The following GBE1 variants were observed in gnomAD, a reference collection of about 807,000 sequenced individuals.
GBE1 encodes the protein 1,4-alpha-glucan-branching enzyme.
GBE1 carries 70 observed loss-of-function variants against 88.8 expected under a neutral mutation model. That is an observed-to-expected ratio of 0.79 (90% CI 0.65 to 0.96). The LOEUF is 0.96. Ranked by LOEUF, GBE1 falls within the 40% of genes least tolerant of loss-of-function variation. The probability of loss-of-function intolerance (pLI) is 0.00; values close to 1 mark genes in which losing one functional copy is unlikely to be tolerated. For missense variants in GBE1, 872 were observed against 871.0 expected (o/e 1.00, Z -0.01); for synonymous variants, 284 against 300.1 (o/e 0.95, Z 0.56).
intron 7 of GBE1, among the ~76,000 whole-genome samples, chr3:81,638,233 G>T (rs1031232869): frequency 6.6e-6 from 1 of 151,966 alleles, no homozygotes; most frequent in Non-Finnish European, 1.5e-5. Flanking sequence ...TAGCCTAATG[G>T]TTACCATATT....
chr3:81,628,750 T>TATAC (rs1704456910), intron 7 of GBE1, among the ~76,000 whole-genome samples: 2 of 69,068 alleles, frequency 2.9e-5, no homozygotes, highest in Non-Finnish European at 7.4e-5. Flanking sequence ...TGCATATATA[T>TATAC]ATATATATAT....
intron 2 of GBE1, among the ~76,000 whole-genome samples, chr3:81,690,943 T>G (rs948154337): frequency 3.3e-5 from 5 of 152,036 alleles, no homozygotes; most frequent in African/African-American, 1.2e-4. Context: ...AGAAACACAG[T>G]GAACATACTA....
chr3:81,515,119 C>T lies in GBE1; in HGVS notation c.1935-15892G>A, dbSNP rs550556643. ...ACTGCACCAGCATAGCTCATTTTATCGCACTTTATTGCACTTTACAAATAC... is the reference window on the plus strand; with the variant it reads ...ACTGCACCAGCATAGCTCATTTTATTGCACTTTATTGCACTTTACAAATAC... On this transcript the variant is annotated intron_variant, in intron 14 of 15. Transcript: ENST00000429644. 1.8e-4 allele frequency among the ~76,000 whole-genome samples: 27 copies of T among 151,684 alleles called. No homozygotes were observed. The South Asian group carries it at 4.6e-3, about 26-fold the overall frequency.
chr3:81,679,065 A>C (rs1195382758), intron 2 of GBE1, among the ~76,000 whole-genome samples: 1 of 152,180 alleles, frequency 6.6e-6, no homozygotes, highest in East Asian at 1.9e-4. Flanking sequence ...CAGATGAAAC[A>C]ACACTAGCTA....
intron 1 of GBE1, among the ~76,000 whole-genome samples, chr3:81,706,924 G>A (rs1705784592): frequency 6.6e-6 from 1 of 151,606 alleles, no homozygotes; most frequent in African/African-American, 2.4e-5. Flanking sequence ...ATAAATAATT[G>A]AGAATTGAAA....
chr3:81,685,294 G>C (rs1474065278), intron 2 of GBE1, among the ~76,000 whole-genome samples: 2 of 152,052 alleles, frequency 1.3e-5, no homozygotes, highest in Non-Finnish European at 2.9e-5. Flanking sequence ...CTCTCCTTCA[G>C]TCCGTGAGAA....
At chr3:81,755,326 G>C (rs1198747288) in intron 1 of GBE1, among the ~76,000 whole-genome samples, 1 of 152,080 alleles carries the variant, frequency 6.6e-6, no homozygotes, top group African/African-American at 2.4e-5. Context: ...AACAGATGCT[G>C]GTTAGGATGT....
intron 1 of GBE1, among the ~76,000 whole-genome samples, chr3:81,737,389 T>A (rs11927018): frequency 0.031 from 1,102 of 35,822 alleles, 9 homozygotes; most frequent in Non-Finnish European, 0.04. Context: ...TTATATATAT[T>A]TATATAAATA....
At chr3:81,710,759 C>T (rs1389713286) in intron 1 of GBE1, among the ~76,000 whole-genome samples, 4 of 152,120 alleles carry the variant, frequency 2.6e-5, no homozygotes, top group Non-Finnish European at 5.9e-5. Flanking sequence ...TGTTCTTTTA[C>T]TTATTACACT....
chr3:81,606,516 G>A (rs1232310924), intron 7 of GBE1, among the ~76,000 whole-genome samples: 4 of 152,222 alleles, frequency 2.6e-5, no homozygotes, highest in African/African-American at 9.6e-5. Context: ...CCACAGTCCT[G>A]GTTACAGGTC....
At chr3:81,551,583 G>C (rs1012674947) in intron 12 of GBE1, among the ~76,000 whole-genome samples, 1 of 152,086 alleles carries the variant, frequency 6.6e-6, no homozygotes, top group African/African-American at 2.4e-5. Flanking sequence ...CCTATGACCT[G>C]GAAGCCCCCT....
intron 3 of GBE1, among the ~76,000 whole-genome samples, chr3:81,666,110 T>G (rs1207159015): frequency 6.6e-6 from 1 of 152,102 alleles, no homozygotes; most frequent in Non-Finnish European, 1.5e-5. Context: ...GAGATTTGCA[T>G]GATATATTAG....
At chr3:81,709,766 T>C (rs1705830825) in intron 1 of GBE1, among the ~76,000 whole-genome samples, 1 of 152,172 alleles carries the variant, frequency 6.6e-6, no homozygotes, top group Non-Finnish European at 1.5e-5. Flanking sequence ...CTACAGCTTC[T>C]GATACAGAAA....
chr3:81,661,390 G>T (rs932983218), intron 3 of GBE1, among the ~76,000 whole-genome samples: 1 of 152,094 alleles, frequency 6.6e-6, no homozygotes, highest in South Asian at 2.1e-4. Context: ...TGATTCATTT[G>T]TACAAGCATT....
At chr3:81,696,598 AC>A in intron 2 of GBE1, among the ~76,000 whole-genome samples, 1 of 152,332 alleles carries the variant, frequency 6.6e-6, no homozygotes, top group Non-Finnish European at 1.5e-5. Context: ...TGAATAATGC[AC>A]TTTGTGTAAG....
Position 81,648,708 on chromosome 3 carries a change from G to A in GBE1, c.691+148C>T, listed in dbSNP as rs1053490628. ...TCCTTTCTATGCTATCACTATTACA[G>A]GGCAATTTGAGAAGCCTAAAATAAA... On this transcript the variant is annotated intron_variant, in intron 5 of 15. Transcript: ENST00000429644. 1.1e-5 allele frequency: 5 copies of A among 449,652 alleles called. No homozygotes were observed. In the East Asian group the frequency reaches 1.4e-4, roughly 13 times the overall value. The allele number at this position is 449,652 out of a possible 1,614,324, so 27.9% of individuals were successfully genotyped here.
At chr3:81,668,329 C>T (rs1055128582) in intron 3 of GBE1, among the ~76,000 whole-genome samples, 3 of 151,846 alleles carry the variant, frequency 2.0e-5, no homozygotes, top group Non-Finnish European at 4.4e-5. Flanking sequence ...TATCCCAGAA[C>T]TTAAAGTAAA....
At chr3:81,673,099 C>T (rs998207) in intron 2 of GBE1, among the ~76,000 whole-genome samples, 12,937 of 151,796 alleles carry the variant, frequency 0.085, 1,148 homozygotes, top group African/African-American at 0.22. Flanking sequence ...ATACATCTCA[C>T]CTATACATGC....
At chr3:81,727,273 G>A (rs1053344630) in intron 1 of GBE1, among the ~76,000 whole-genome samples, 2 of 152,014 alleles carry the variant, frequency 1.3e-5, no homozygotes, top group Admixed American at 1.3e-4. Flanking sequence ...AGGGATCCAC[G>A]GATCTTATCA....
Sources: gnomAD v4.1 joint callset for allele counts (sites outside exome capture counted in the v4.1 genomes callset) on GRCh38, gnomAD v4.1.1 for gene constraint, MANE v1.5 for transcripts, NCBI Gene and HGNC (gene_info 2026-07-23, HGNC 2026-07-21) for gene names.